CRISPLD2: variants seen among roughly 807,000 people sequenced by gnomAD.
CRISPLD2 encodes the protein cysteine-rich secretory protein LCCL domain-containing 2.
Under a neutral mutation model 71.1 loss-of-function variants are expected in CRISPLD2, and 47 were observed. The observed-to-expected ratio is 0.66, with a 90% CI of 0.52 to 0.84. The LOEUF is 0.84. CRISPLD2 is among the 40% of genes least tolerant of loss of function. CRISPLD2 has a pLI of 0.00. For synonymous variants in CRISPLD2, 317 were observed against 250.1 expected, an observed-to-expected ratio of 1.27 and a Z score of -2.52; for missense variants, 830 against 651.1, an observed-to-expected ratio of 1.27 and a Z score of -2.99.
intron 14 of CRISPLD2, among the ~76,000 whole-genome samples, chr16:84,898,636 C>T (rs1378619357): frequency 6.6e-6 from 1 of 152,158 alleles, no homozygotes; most frequent in South Asian, 2.1e-4. Flanking sequence ...CTGTTTCTTG[C>T]ATATGTTTTG....
At chr16:84,900,814 G>C (rs1179571585) in intron 14 of CRISPLD2, among the ~76,000 whole-genome samples, 1 of 152,122 alleles carries the variant, frequency 6.6e-6, no homozygotes, top group Non-Finnish European at 1.5e-5. Context: ...CACTTTGGGA[G>C]GCTGAGACGG....
chr16:84,823,313 G>C (rs1476265046), intron 1 of CRISPLD2, among the ~76,000 whole-genome samples: 1 of 152,208 alleles, frequency 6.6e-6, no homozygotes, highest in African/African-American at 2.4e-5. Flanking sequence ...GGCTTCTGCT[G>C]TGAACATTTG....
In CRISPLD2 at chr16:84,867,040, A is replaced by T. The variant is rs1303803234; in HGVS notation, c.853A>T (p.Thr285Ser). The change falls in exon 7 of 15, where the codon ACC becomes TCC. Residue 285 changes from threonine (T) to serine (S), a missense_variant and splice_region_variant. Physicochemically the swap from Thr to Ser is moderately conservative, Grantham distance 58. Transcript: ENST00000262424. ...GAAAACCTCTGCGGTCAACTACATG[A>T]GTGAGTCTAGGCCGTCCTCCGCCCC... ...PKKTSAVNYMTQVVRCDTKMK... is the reference protein window; with the variant it reads ...PKKTSAVNYMSQVVRCDTKMK... 2 of 1,613,848 alleles carry T rather than the reference A, an allele frequency of 1.2e-6. No homozygotes were observed. Among genetic ancestry groups the T allele is most frequent in the East Asian group, 2.2e-5 (1 of 44,872 alleles).
intron 13 of CRISPLD2, among the ~76,000 whole-genome samples, chr16:84,884,133 C>T (rs1347944171): frequency 1.3e-5 from 2 of 152,190 alleles, no homozygotes; most frequent in South Asian, 2.1e-4. Context: ...GCGTGAGCCA[C>T]CACACACAGC....
intron 6 of CRISPLD2, among the ~76,000 whole-genome samples, chr16:84,856,340 A>G (rs1300801954): frequency 6.6e-6 from 1 of 152,068 alleles, no homozygotes; most frequent in Non-Finnish European, 1.5e-5. Context: ...GATCCATGTC[A>G]CTCACCCCAG....
At chr16:84,905,529 G>C (rs1463713675) in intron 14 of CRISPLD2, among the ~76,000 whole-genome samples, 4 of 151,190 alleles carry the variant, frequency 2.6e-5, no homozygotes, top group Non-Finnish European at 4.4e-5. Context: ...CCTTCAACTA[G>C]CTGGGATTAC....
chr16:84,895,064 T>C (rs1597484624), intron 14 of CRISPLD2, among the ~76,000 whole-genome samples: 1 of 152,104 alleles, frequency 6.6e-6, no homozygotes, highest in Non-Finnish European at 1.5e-5. Flanking sequence ...GACAGGCAGG[T>C]TCCCCTCCTC....
At chr16:84,837,612 T>C (rs553439844) in intron 1 of CRISPLD2, among the ~76,000 whole-genome samples, 1 of 150,398 alleles carries the variant, frequency 6.6e-6, no homozygotes, top group African/African-American at 2.4e-5. Flanking sequence ...AGAGACAGGG[T>C]TTCATCGTGT....
At chr16:84,821,866 T>C (rs1304009352) in intron 1 of CRISPLD2, among the ~76,000 whole-genome samples, 1 of 152,210 alleles carries the variant, frequency 6.6e-6, no homozygotes. Flanking sequence ...CACTGCCTGC[T>C]CTATTAGCTG....
chr16:84,849,644 G>A, intron 4 of CRISPLD2, 127 bp downstream of exon 4: 4 of 997,582 alleles, frequency 4.0e-6, no homozygotes, highest in South Asian at 1.5e-5. Context: ...TAAAAATTCA[G>A]TTCTATACAG....
At chr16:84,836,760 G>C (rs780205110) in intron 1 of CRISPLD2, among the ~76,000 whole-genome samples, 21 of 152,020 alleles carry the variant, frequency 1.4e-4, no homozygotes, top group African/African-American at 5.1e-4. Flanking sequence ...ACCTTGCACT[G>C]CCACTGTCCC....
At chr16:84,894,556 G>A (rs2071689695) in intron 14 of CRISPLD2, among the ~76,000 whole-genome samples, 1 of 152,166 alleles carries the variant, frequency 6.6e-6, no homozygotes, top group African/African-American at 2.4e-5. Flanking sequence ...TCATAGGGGT[G>A]TGGTCTGCTG....
intron 13 of CRISPLD2, among the ~76,000 whole-genome samples, chr16:84,881,951 C>G (rs949841910): frequency 6.6e-6 from 1 of 152,168 alleles, no homozygotes; most frequent in Non-Finnish European, 1.5e-5. Flanking sequence ...TTATCTCCCC[C>G]CATCTTTTTT....
intron 12 of CRISPLD2, among the ~76,000 whole-genome samples, chr16:84,879,300 T>G (rs1368224287): frequency 6.6e-6 from 1 of 151,812 alleles, no homozygotes; most frequent in East Asian, 1.9e-4. Context: ...TGTTAATTTC[T>G]GATCTGCCAT....
rs949390784 is a variant in CRISPLD2 at position 84,866,907 on chromosome 16, C to T, written c.720C>T (p.Tyr240=). The T allele has an allele frequency of 6.2e-7, 1 of 1,613,980 alleles. No homozygotes were observed. Residue 240 remains tyrosine (Y), a synonymous_variant, in exon 7 of 15, where the codon TAC becomes TAT. Transcript: ENST00000262424. ...RNNLCYREET[Y]TPKPETDEMN... ...CTCTCCAATGTTAAGAAGAAACCTACACTCCAAAACCTGAAACGGACGAGA... is the reference window on the plus strand; with the variant it reads ...CTCTCCAATGTTAAGAAGAAACCTATACTCCAAAACCTGAAACGGACGAGA...
Position 84,889,259 on chromosome 16 carries a change from C to T in CRISPLD2, c.1335C>T (p.His445=), listed in dbSNP as rs770561648. The change falls in exon 14 of 15, where the codon CAC becomes CAT. Residue 445 remains histidine, a synonymous_variant. Coordinates refer to ENST00000262424, the MANE Select transcript of CRISPLD2 (RefSeq NM_031476.4). ...DTSSICKTAV[H]AGVISNESGG... ...CAAGCATCTGCAAGACAGCCGTGCA[C>T]GCGGGAGTCATCAGCAACGAGAGTG... The T allele has an allele frequency of 3.8e-5, 62 of 1,613,992 alleles. 1 individual carries two copies. The highest frequency in any genetic ancestry group is 6.7e-5 in the African/African-American group (5 of 74,900).
chr16:84,882,484 C>T (rs1372527476), intron 13 of CRISPLD2, among the ~76,000 whole-genome samples: 1 of 151,964 alleles, frequency 6.6e-6, no homozygotes. Context: ...GATCTCGGCT[C>T]ACTGCAACCT....
intron 12 of CRISPLD2, 62 bp from the exon 13 acceptor site, chr16:84,880,447 C>T (rs901785919): frequency 6.9e-6 from 9 of 1,302,746 alleles, no homozygotes; most frequent in Admixed American, 4.1e-5. Context: ...TAAAGAGAGC[C>T]AGCTTAAGAA....
intron 13 of CRISPLD2, among the ~76,000 whole-genome samples, chr16:84,881,143 G>A (rs896425934): frequency 1.3e-5 from 2 of 152,112 alleles, no homozygotes; most frequent in Non-Finnish European, 2.9e-5. Context: ...AAATGTTTTC[G>A]CAGTTTGAAG....
Sources: allele counts gnomAD v4.1 joint callset (sites outside exome capture counted in the v4.1 genomes callset), GRCh38; gene constraint gnomAD v4.1.1; transcripts MANE v1.5; gene names NCBI Gene and HGNC (gene_info 2026-07-23, HGNC 2026-07-21).